TRIO: variants seen among roughly 807,000 people sequenced by gnomAD.
The protein encoded by TRIO is trio Rho guanine nucleotide exchange factor.
A neutral mutation model predicts 351.9 loss-of-function variants in TRIO; 58 were observed. The ratio of observed to expected loss-of-function variants is 0.16; its 90% CI spans 0.13 to 0.21. TRIO has a LOEUF of 0.21. Among genes scored for constraint, TRIO ranks in the 10% least tolerant of loss-of-function variants. TRIO has a pLI of 1.00. For missense variants in TRIO, 3,201 were observed against 4,027.8 expected (o/e 0.79, Z 5.56); for synonymous variants, 1,758 against 1,595.7 (o/e 1.10, Z -2.42).
intron 34 of TRIO, among the ~76,000 whole-genome samples, chr5:14,454,349 C>T (rs1753080787): frequency 1.3e-5 from 2 of 152,312 alleles, no homozygotes; most frequent in Non-Finnish European, 2.9e-5. Context: ...TCTGAGACAG[C>T]AAAGCAGTAA....
intron 1 of TRIO, among the ~76,000 whole-genome samples, chr5:14,230,594 T>C (rs1441247823): frequency 6.6e-6 from 1 of 152,174 alleles, no homozygotes; most frequent in African/African-American, 2.4e-5. Flanking sequence ...TCTCCTGTGC[T>C]TCCTCAGAAT....
chr5:14,195,523 G>T (rs997039358), intron 1 of TRIO, among the ~76,000 whole-genome samples: 3 of 152,182 alleles, frequency 2.0e-5, no homozygotes, highest in Non-Finnish European at 2.9e-5. Flanking sequence ...GAGATTCTCT[G>T]TGAAAGTATG....
chr5:14,479,366 C>G lies in TRIO; in HGVS notation c.6243+16C>G, dbSNP rs1425511572. 2 of 1,580,590 alleles carry G rather than the reference C, an allele frequency of 1.3e-6. No homozygotes were observed. Among genetic ancestry groups the G allele is most frequent in the South Asian group, 2.3e-5 (2 of 87,678 alleles). On this transcript the variant is annotated intron_variant, in intron 42 of 56. Transcript: ENST00000344204. The stretch of plus-strand genomic sequence containing the variant: ...CTTTTTTGAGGTAAGACCTAAGATA[C>G]AAACAGAAAGTATTTCTGAATCTTT...
At position 14,171,543 on chromosome 5, in the gene TRIO, G is replaced by A. The variant is rs909462037; in HGVS notation, c.157+27661G>A. 3.3e-5 allele frequency among the ~76,000 whole-genome samples: 5 copies of A among 152,324 alleles called. No homozygotes were observed. In the East Asian group the frequency reaches 9.6e-4, roughly 29 times the overall value. On this transcript the variant is annotated intron_variant, in intron 1 of 56. Transcript: ENST00000344204. ...TAATGAAGGATAAAGGTAGAGTTTA[G>A]CCAAACACTGTTCTTATGTAGTCTT...
chr5:14,473,922 A>G (rs754326108), intron 39 of TRIO, 72 bp from the exon 40 acceptor site: 3 of 1,479,642 alleles, frequency 2.0e-6, no homozygotes, highest in East Asian at 2.3e-5. Context: ...CTCTGTGACT[A>G]TTAATCAATA....
intron 2 of TRIO, among the ~76,000 whole-genome samples, chr5:14,271,203 G>T (rs933103746): frequency 2.0e-5 from 3 of 152,264 alleles, no homozygotes; most frequent in South Asian, 2.1e-4. Context: ...TTAAAAATCC[G>T]ATCATTTCAA....
intron 48 of TRIO, chr5:14,489,109 C>G (rs375194571): frequency 5.3e-6 from 4 of 747,972 alleles, no homozygotes; most frequent in South Asian, 2.7e-5. Flanking sequence ...TATGTTTGAA[C>G]GCTTTATAAA....
chr5:14,498,830 C>T (rs2126684318), intron 53 of TRIO, 190 bp downstream of exon 53: 2 of 769,810 alleles, frequency 2.6e-6, no homozygotes, highest in African/African-American at 1.7e-5. Flanking sequence ...AGAGTGACCT[C>T]TCGGCACCTT....
intron 48 of TRIO, chr5:14,488,582 A>AT (rs1213021987): frequency 6.4e-5 from 32 of 496,800 alleles, no homozygotes; most frequent in Non-Finnish European, 9.6e-5. Context: ...TCACGCACCT[A>AT]TTTTTTGGAG....
chr5:14,447,992 C>T (rs1004664897), intron 34 of TRIO, among the ~76,000 whole-genome samples: 1 of 152,160 alleles, frequency 6.6e-6, no homozygotes, highest in African/African-American at 2.4e-5. Flanking sequence ...TACTTTATTG[C>T]CTTGGGAATA....
intron 1 of TRIO, among the ~76,000 whole-genome samples, chr5:14,182,961 C>A (rs1345579882): frequency 6.6e-6 from 1 of 152,036 alleles, no homozygotes; most frequent in Non-Finnish European, 1.5e-5. Flanking sequence ...TGTAGCGCAT[C>A]ATCCTTTGTG....
At chr5:14,355,414 C>T (rs950894195) in intron 11 of TRIO, among the ~76,000 whole-genome samples, 1 of 152,194 alleles carries the variant, frequency 6.6e-6, no homozygotes, top group Non-Finnish European at 1.5e-5. Context: ...CTGCTGTGTC[C>T]TCTTTCATCT....
Position 14,268,906 on chromosome 5 carries a change from G to T in TRIO, c.158-1919G>T, listed in dbSNP as rs540137164. Among the ~76,000 whole-genome samples, 48 of 152,332 alleles carry T rather than the reference G, an allele frequency of 3.2e-4. No individual in the cohort carries two copies. The East Asian group carries it at 8.7e-3, about 28-fold the overall frequency. ...GTAGACACATTCAGTGAGTTACGGT[G>T]ACTGGCAGTGAATTGCTGACTAGAT... On this transcript the variant is annotated intron_variant, in intron 1 of 56. Transcript: ENST00000344204.
chr5:14,158,704 A>G (rs1272636736), intron 1 of TRIO, among the ~76,000 whole-genome samples: 1 of 151,662 alleles, frequency 6.6e-6, no homozygotes, highest in Non-Finnish European at 1.5e-5. Context: ...GGTGGCGTGC[A>G]CCTGTAGTCC....
intron 48 of TRIO, among the ~76,000 whole-genome samples, chr5:14,491,030 C>T (rs1756445292): frequency 6.6e-6 from 1 of 152,222 alleles, no homozygotes; most frequent in Admixed American, 6.5e-5. Flanking sequence ...GAACAGGAAG[C>T]AGACTCCTCC....
At chr5:14,420,907 TC>T (rs1445301911) in intron 34 of TRIO, 2 of 152,270 alleles carry the variant, frequency 1.3e-5, no homozygotes, top group South Asian at 2.1e-4. Flanking sequence ...TGTTCTTACT[TC>T]CTGGTGTTTG....
intron 1 of TRIO, among the ~76,000 whole-genome samples, chr5:14,178,994 C>T (rs1789582302): frequency 6.6e-6 from 1 of 152,228 alleles, no homozygotes; most frequent in Non-Finnish European, 1.5e-5. Context: ...TTGCGTCCTA[C>T]CCTTCTTTAC....
rs558939065 is a variant in TRIO, at chr5:14,257,460, G to GT, written c.158-13358dup. On this transcript the variant is annotated intron_variant, in intron 1 of 56. Coordinates refer to ENST00000344204, the MANE Select transcript of TRIO (RefSeq NM_007118.4). Reference sequence around the variant, plus strand: ...AAAAAAAAAAAATTTTGCTCACGTGGTTTTTTTGGCTCATGTGTTTCCATT... The same window carrying GT: ...AAAAAAAAAAAATTTTGCTCACGTGGTTTTTTTTGGCTCATGTGTTTCCATT... Among the ~76,000 whole-genome samples the GT allele has an allele frequency of 2.4e-3, 368 of 152,226 alleles. 1 individual carries two copies. The highest frequency in any genetic ancestry group is 4.1e-3 in the Non-Finnish European group (279 of 68,002).
chr5:14,396,600 G>A (rs1747618715), intron 28 of TRIO, among the ~76,000 whole-genome samples: 1 of 150,650 alleles, frequency 6.6e-6, no homozygotes, highest in South Asian at 2.1e-4. Flanking sequence ...CTCCCAAGTA[G>A]CTGGGATTAC....
Sources: allele counts gnomAD v4.1 joint callset (sites outside exome capture counted in the v4.1 genomes callset), GRCh38; gene constraint gnomAD v4.1.1; transcripts MANE v1.5; gene names NCBI Gene and HGNC (gene_info 2026-07-23, HGNC 2026-07-21).